Variants in ATP6V0E1 observed in about 807,000 individuals in gnomAD.
ATP6V0E1 encodes V-type proton ATPase subunit e 1.
Under a neutral mutation model 11.6 loss-of-function variants are expected in ATP6V0E1, and 4 were observed. That is an observed-to-expected ratio of 0.35 (90% CI 0.17 to 0.79). The LOEUF (loss-of-function observed/expected upper bound fraction) is 0.79. Ranked by LOEUF, ATP6V0E1 falls within the 30% of genes least tolerant of loss-of-function variation. The probability of loss-of-function intolerance (pLI) is 0.54; values close to 1 mark genes in which losing one functional copy is unlikely to be tolerated. For missense variants in ATP6V0E1, 105 were observed against 100.0 expected (o/e 1.05, Z -0.21); for synonymous variants, 36 against 34.8 (o/e 1.04, Z -0.13).
chr5:173,015,663 A>G (rs763509714), intron 2 of ATP6V0E1, among the ~76,000 whole-genome samples: 4 of 152,206 alleles, frequency 2.6e-5, no homozygotes, highest in Non-Finnish European at 5.9e-5. Context: ...CAGGAAGAGC[A>G]TGAGAACTTT....
chr5:173,003,575 G>C (rs1013077091), intron 2 of ATP6V0E1, among the ~76,000 whole-genome samples: 1 of 152,198 alleles, frequency 6.6e-6, no homozygotes, highest in Non-Finnish European at 1.5e-5. Context: ...GGAAGTGACT[G>C]CATGCATGCC....
chr5:173,027,178 CAAAAAAAAAAAAAA>C (rs1158447516), intron 3 of ATP6V0E1, among the ~76,000 whole-genome samples: 1 of 26,048 alleles, frequency 3.8e-5, no homozygotes. Context: ...GACTCCGTCT[CAAAAAAAAAAAAAA>C]AAAAAAAAAA....
chr5:173,014,724 G>A lies in ATP6V0E1; in HGVS notation c.153-5514G>A, dbSNP rs1458324802. The stretch of plus-strand genomic sequence containing the variant: ...ATAGATATGAGAGACTGGGAAGGAA[G>A]GAAAGTTGTGGGAATAAAGAGTAGC... On this transcript the variant is annotated intron_variant, in intron 2 of 3. Transcript: ENST00000519374. Among the ~76,000 whole-genome samples, 3 of 151,882 alleles carry A rather than the reference G, an allele frequency of 2.0e-5. No individual in the cohort carries two copies. In the Admixed American group the frequency reaches 2.0e-4, roughly 10 times the overall value.
chr5:173,020,122 G>A, intron 2 of ATP6V0E1, 116 bp from the exon 3 acceptor site: 1 of 755,718 alleles, frequency 1.3e-6, no homozygotes, highest in Non-Finnish European at 2.3e-6. Flanking sequence ...TGGAAAGTTT[G>A]GTGTGAATGC....
chr5:173,018,307 G>A (rs1319443043), intron 2 of ATP6V0E1, among the ~76,000 whole-genome samples: 1 of 152,152 alleles, frequency 6.6e-6, no homozygotes, highest in Admixed American at 6.6e-5. Context: ...AAGTGGAAGT[G>A]GATGAGCATA....
chr5:172,988,975 A>T (rs905897845), intron 1 of ATP6V0E1, among the ~76,000 whole-genome samples: 1 of 152,166 alleles, frequency 6.6e-6, no homozygotes, highest in Non-Finnish European at 1.5e-5. Flanking sequence ...AGGCTCGAGC[A>T]GTGCCCCTAG....
In ATP6V0E1 at chr5:173,006,313, A is replaced by C. The variant is rs1756229276; in HGVS notation, c.152+11491A>C. Among the ~76,000 whole-genome samples, 3 of 152,116 alleles carry C rather than the reference A, an allele frequency of 2.0e-5. No individual in the cohort carries two copies. The South Asian group carries it at 6.2e-4, about 31-fold the overall frequency. On this transcript the variant is annotated intron_variant, in intron 2 of 3. Coordinates refer to ENST00000519374, the MANE Select transcript of ATP6V0E1 (RefSeq NM_003945.4). The stretch of plus-strand genomic sequence containing the variant: ...AGTTTTTGGAGGGGGTGAAGGTTTT[A>C]TTAAACTCTACTCTGGGCCGGGCAC...
intron 2 of ATP6V0E1, among the ~76,000 whole-genome samples, chr5:172,995,865 A>C (rs1756057838): frequency 6.6e-6 from 1 of 151,354 alleles, no homozygotes; most frequent in South Asian, 2.1e-4. Context: ...CTTCCATCTT[A>C]AGCCTCCCAA....
At chr5:172,987,191 C>T (rs536587409) in intron 1 of ATP6V0E1, 11 of 194,956 alleles carry the variant, frequency 5.6e-5, no homozygotes, top group East Asian at 2.9e-4. Context: ...TTAAGAAATC[C>T]GGCAAAAAAT....
chr5:173,024,359 C>A (rs1240084103), intron 3 of ATP6V0E1, among the ~76,000 whole-genome samples: 1 of 150,312 alleles, frequency 6.7e-6, no homozygotes, highest in African/African-American at 2.5e-5. Context: ...ATATTTTTTA[C>A]CCTTTATATG....
chr5:172,993,003 T>C (rs753723532), intron 1 of ATP6V0E1, among the ~76,000 whole-genome samples: 3 of 151,758 alleles, frequency 2.0e-5, no homozygotes, highest in Non-Finnish European at 4.4e-5. Flanking sequence ...TTTCATCATA[T>C]TGGTCAGGCT....
chr5:173,012,736 A>G (rs1339139578), intron 2 of ATP6V0E1, among the ~76,000 whole-genome samples: 1 of 151,736 alleles, frequency 6.6e-6, no homozygotes, highest in Non-Finnish European at 1.5e-5. Context: ...AGGCTGGGCA[A>G]TGAGTGAAAC....
At chr5:173,020,743 C>T (rs758184319) in intron 3 of ATP6V0E1, 2 of 519,336 alleles carry the variant, frequency 3.9e-6, no homozygotes, top group Non-Finnish European at 7.7e-6. Flanking sequence ...CAGTAGTCAG[C>T]CATCCGGACA....
At position 173,031,419 on chromosome 5, in the gene ATP6V0E1, C is replaced by CTTTTTTT. The variant is rs564495625; in HGVS notation, c.*37-2969_*37-2963dup. Among the ~76,000 whole-genome samples, 15 of 129,082 alleles carry CTTTTTTT rather than the reference C, an allele frequency of 1.2e-4. No homozygotes were observed. In the South Asian group the frequency reaches 2.0e-3, roughly 17 times the overall value. 84.7% of individuals were successfully genotyped at this position (129,082 alleles called of 152,430 possible). On this transcript the variant is annotated intron_variant, in intron 3 of 3. Transcript: ENST00000519374. The stretch of plus-strand genomic sequence containing the variant: ...TTTATCTGATGGTAACCTTATGACT[C>CTTTTTTT]TTTTTTTTTTTTTTTTTGAGACGTG...
intron 3 of ATP6V0E1, among the ~76,000 whole-genome samples, chr5:173,027,357 C>A (rs1581637145): frequency 6.8e-6 from 1 of 146,066 alleles, no homozygotes; most frequent in African/African-American, 2.5e-5. Flanking sequence ...AAAAAATGAG[C>A]CTGACATGGT....
chr5:173,009,154 A>C (rs561266851), intron 2 of ATP6V0E1, among the ~76,000 whole-genome samples: 10 of 151,984 alleles, frequency 6.6e-5, no homozygotes, highest in Non-Finnish European at 1.5e-4. Context: ...TGAACCAGGA[A>C]AGCAGAGGTT....
chr5:172,986,575 C>T (rs766678604), intron 1 of ATP6V0E1: 73 of 318,278 alleles, frequency 2.3e-4, no homozygotes, highest in Non-Finnish European at 3.7e-4. Flanking sequence ...ATGCAGTAAG[C>T]TATGATCACA....
At position 172,994,841 on chromosome 5, in the gene ATP6V0E1, A is replaced by C; in HGVS notation, c.152+19A>C. Reference sequence around the variant, plus strand: ...ATCTCTTGTAAGTAATTTTTTCTTAAGTAATTATTCTTGGTATTTGTAGTG... The same window carrying C: ...ATCTCTTGTAAGTAATTTTTTCTTACGTAATTATTCTTGGTATTTGTAGTG... On this transcript the variant is annotated intron_variant, in intron 2 of 3. Transcript: ENST00000519374. 1.3e-6 allele frequency: 2 copies of C among 1,583,924 alleles called. No homozygotes were observed. Among genetic ancestry groups the C allele is most frequent in the Non-Finnish European group, 1.7e-6 (2 of 1,160,198 alleles).
At chr5:173,003,847 C>T (rs1756191596) in intron 2 of ATP6V0E1, among the ~76,000 whole-genome samples, 1 of 152,124 alleles carries the variant, frequency 6.6e-6, no homozygotes, top group Non-Finnish European at 1.5e-5. Context: ...AGGAACTTAG[C>T]TAAAGCAGAG....
Sources: allele counts gnomAD v4.1 joint callset (sites outside exome capture counted in the v4.1 genomes callset), GRCh38; gene constraint gnomAD v4.1.1; transcripts MANE v1.5; gene names NCBI Gene and HGNC (gene_info 2026-07-23, HGNC 2026-07-21).